BMP5: variants seen among roughly 807,000 people sequenced by gnomAD.
BMP5 encodes the protein bone morphogenetic protein 5.
BMP5 carries 23 observed loss-of-function variants against 46.6 expected under a neutral mutation model. The ratio of observed to expected loss-of-function variants is 0.49; its 90% CI spans 0.35 to 0.70. The LOEUF (loss-of-function observed/expected upper bound fraction) is 0.70, where lower values mean the gene tolerates loss of function less well. Among genes scored for constraint, BMP5 ranks in the 30% least tolerant of loss-of-function variants. The pLI is 0.00. For synonymous variants in BMP5, 204 were observed against 191.9 expected (o/e 1.06, Z -0.52); for missense variants, 545 against 565.6 (o/e 0.96, Z 0.37).
intron 3 of BMP5, among the ~76,000 whole-genome samples, chr6:55,789,721 A>G (rs953561308): frequency 3.3e-5 from 5 of 152,108 alleles, no homozygotes; most frequent in African/African-American, 1.2e-4. Flanking sequence ...TGAGAACTTT[A>G]AAACCAATTT....
intron 2 of BMP5, among the ~76,000 whole-genome samples, chr6:55,814,775 C>T (rs992487206): frequency 2.6e-5 from 4 of 152,112 alleles, no homozygotes; most frequent in African/African-American, 7.2e-5. Flanking sequence ...TGAACCAATG[C>T]TTATTTTAAA....
chr6:55,755,632 G>T lies in BMP5; in HGVS notation c.1266C>A (p.Thr422=), dbSNP rs1774571406. 1 of 1,612,204 alleles carries T rather than the reference G, an allele frequency of 6.2e-7. No individual in the cohort carries two copies. Among genetic ancestry groups the T allele is most frequent in the African/African-American group, 1.3e-5 (1 of 74,784 alleles). The part of the protein sequence containing the change: ...DHVPKPCCAP[T]KLNAISVLYF... ...ACAGAACAGAGATGGCATTTAATTT[G>T]GTTGGAGCACAACAAGGCTTTGGTA... Residue 422 remains threonine, a synonymous_variant, in exon 7 of 7, where the codon ACC becomes ACA. Transcript: ENST00000370830.
chr6:55,809,496 A>T (rs550943677), intron 2 of BMP5, among the ~76,000 whole-genome samples: 1 of 152,296 alleles, frequency 6.6e-6, no homozygotes, highest in Non-Finnish European at 1.5e-5. Context: ...CTTATAAAAA[A>T]TAAGTAAAAT....
At position 55,779,416 on chromosome 6, in the gene BMP5, T is replaced by C. The variant is rs184807348; in HGVS notation, c.833-5173A>G. On this transcript the variant is annotated intron_variant, in intron 3 of 6. Coordinates refer to ENST00000370830, the MANE Select transcript of BMP5 (RefSeq NM_021073.4). ...CTTAGCAGTAGTCAAATCAGTGTAT[T>C]ATCTCCCATCCACACATCTATCTGA... 2.1e-3 allele frequency among the ~76,000 whole-genome samples: 324 copies of C among 152,222 alleles called. 1 individual carries two copies. The highest frequency in any genetic ancestry group is 7.6e-3 in the African/African-American group (314 of 41,564).
At chr6:55,765,580 G>T (rs1774899349) in intron 4 of BMP5, among the ~76,000 whole-genome samples, 1 of 152,100 alleles carries the variant, frequency 6.6e-6, no homozygotes, top group Non-Finnish European at 1.5e-5. Context: ...CTTGGGGGTA[G>T]AAAAATTCAG....
chr6:55,770,358 C>T (rs1775020600), intron 4 of BMP5, among the ~76,000 whole-genome samples: 2 of 151,856 alleles, frequency 1.3e-5, no homozygotes, highest in Admixed American at 1.3e-4. Context: ...CGTCATGAAC[C>T]AATATCTGCT....
chr6:55,850,728 C>T (rs1777220681), intron 1 of BMP5, among the ~76,000 whole-genome samples: 2 of 152,122 alleles, frequency 1.3e-5, no homozygotes, highest in Non-Finnish European at 2.9e-5. Context: ...ATTCTTTCAT[C>T]AAATATTTAT....
At chr6:55,801,900 G>A (rs1034724277) in intron 2 of BMP5, among the ~76,000 whole-genome samples, 5 of 152,144 alleles carry the variant, frequency 3.3e-5, no homozygotes, top group Admixed American at 2.0e-4. Flanking sequence ...GGAAGTCACC[G>A]GTCTTCCCAT....
intron 1 of BMP5, among the ~76,000 whole-genome samples, chr6:55,837,373 A>AGATAGATG (rs1554185001): frequency 1.3e-5 from 2 of 151,354 alleles, no homozygotes; most frequent in African/African-American, 2.4e-5. Context: ...ATAGATAGAT[A>AGATAGATG]GATAGACAGA....
At chr6:55,788,255 T>C (rs536285908) in intron 3 of BMP5, among the ~76,000 whole-genome samples, 3 of 151,724 alleles carry the variant, frequency 2.0e-5, no homozygotes, top group Non-Finnish European at 4.4e-5. Flanking sequence ...TTTCATTGAT[T>C]AAATTAGTAA....
chr6:55,874,824 G>A lies in BMP5; in HGVS notation c.42C>T (p.Phe14=), dbSNP rs986883581. The A allele has an allele frequency of 4.3e-6, 7 of 1,612,720 alleles. No individual in the cohort carries two copies. Among genetic ancestry groups the A allele is most frequent in the Admixed American group, 3.3e-5 (2 of 59,868 alleles). ...CCACTAGAACCCAGCAGCTCCAGAG[G>A]AAACCCACAATACCCTTAAGTAAAA... ...TVFLLKGIVG[F]LWSCWVLVGY... Residue 14 remains phenylalanine, a synonymous_variant, in exon 1 of 7, where the codon TTC becomes TTT. Coordinates refer to ENST00000370830, the MANE Select transcript of BMP5 (RefSeq NM_021073.4).
chr6:55,846,381 C>G (rs1288636656), intron 1 of BMP5, among the ~76,000 whole-genome samples: 2 of 151,872 alleles, frequency 1.3e-5, no homozygotes, highest in Non-Finnish European at 2.9e-5. Context: ...GGTAGTTGTT[C>G]AGGATGGTTC....
intron 3 of BMP5, among the ~76,000 whole-genome samples, chr6:55,781,607 A>ATTT (rs1172320071): frequency 2.9e-5 from 4 of 140,240 alleles, no homozygotes; most frequent in African/African-American, 5.3e-5. Context: ...ATTATTCCAA[A>ATTT]TTTTTTTTTT....
At chr6:55,803,645 C>T (rs373890608) in intron 2 of BMP5, among the ~76,000 whole-genome samples, 2 of 152,178 alleles carry the variant, frequency 1.3e-5, no homozygotes, top group African/African-American at 4.8e-5. Flanking sequence ...TTTCAGCTTC[C>T]ATTGAGTAAC....
rs143056385 is a variant in BMP5, at chr6:55,874,284, T to C, written c.490+92A>G. ...GAGAGTTAGAGAAAATGTCTTTATA[T>C]AAACATGACCACCTACCAAGCAGCT... is the stretch of plus-strand genomic sequence containing the variant. On this transcript the variant is annotated intron_variant, in intron 1 of 6. Coordinates refer to ENST00000370830, the MANE Select transcript of BMP5 (RefSeq NM_021073.4). 6.5e-4 allele frequency: 1,005 copies of C among 1,544,904 alleles called. 16 individuals carry two copies. The East Asian group carries it at 0.014, about 21-fold the overall frequency.
chr6:55,860,034 G>A (rs1236961116), intron 1 of BMP5, among the ~76,000 whole-genome samples: 1 of 152,186 alleles, frequency 6.6e-6, no homozygotes, highest in Non-Finnish European at 1.5e-5. Flanking sequence ...CCAGCACTTT[G>A]GGAAGCTAAG....
Position 55,816,906 on chromosome 6 carries a change from A to G in BMP5, c.683+2749T>C, listed in dbSNP as rs556020776. On this transcript the variant is annotated intron_variant, in intron 2 of 6. Transcript: ENST00000370830. The stretch of plus-strand genomic sequence containing the variant: ...AGAACGCAAACAAATTTACAAGAAA[A>G]AAACAAACAACTCTATCAACAAGTG... Among the ~76,000 whole-genome samples, 100 of 152,294 alleles carry G rather than the reference A, an allele frequency of 6.6e-4. No homozygotes were observed. In the Middle Eastern group the frequency reaches 0.034, roughly 52 times the overall value.
intron 1 of BMP5, among the ~76,000 whole-genome samples, chr6:55,862,055 C>A (rs1582128962): frequency 6.6e-6 from 1 of 152,208 alleles, no homozygotes; most frequent in East Asian, 1.9e-4. Context: ...AAGCACTACG[C>A]TAGCTGTAGC....
chr6:55,822,527 A>C lies in BMP5; in HGVS notation c.491-2680T>G, dbSNP rs369979181. On this transcript the variant is annotated intron_variant, in intron 1 of 6. Coordinates refer to ENST00000370830, the MANE Select transcript of BMP5 (RefSeq NM_021073.4). Reference sequence around the variant, plus strand: ...CTCCATTCTGAAGGTCAATATTCATAATTCTAAGTGATAACAACCATTATT... The same window carrying C: ...CTCCATTCTGAAGGTCAATATTCATCATTCTAAGTGATAACAACCATTATT... Among the ~76,000 whole-genome samples, 79 of 152,294 alleles carry C rather than the reference A, an allele frequency of 5.2e-4. No homozygotes were observed. The South Asian group carries it at 0.016, about 31-fold the overall frequency.
Sources: allele counts gnomAD v4.1 joint callset (sites outside exome capture counted in the v4.1 genomes callset), GRCh38; gene constraint gnomAD v4.1.1; transcripts MANE v1.5; gene names NCBI Gene and HGNC (gene_info 2026-07-23, HGNC 2026-07-21).